SPRED1: variants seen among roughly 807,000 people sequenced by gnomAD.
SPRED1 encodes the protein sprouty related EVH1 domain containing 1, also known as sprouty-related, EVH1 domain-containing protein 1.
A neutral mutation model predicts 52.3 loss-of-function variants in SPRED1; 18 were observed. The observed-to-expected ratio is 0.34, with a 90% confidence interval of 0.24 to 0.51. The LOEUF (loss-of-function observed/expected upper bound fraction) is 0.51, where lower values mean the gene tolerates loss of function less well. SPRED1 is among the 20% of genes least tolerant of loss of function. SPRED1 has a pLI of 0.97. For synonymous variants in SPRED1, 155 were observed against 179.7 expected, an observed-to-expected ratio of 0.86 and a Z score of 1.10; for missense variants, 485 against 551.0, an observed-to-expected ratio of 0.88 and a Z score of 1.20.
In SPRED1 at chr15:38,339,808, T is replaced by G. The variant is rs748550020; in HGVS notation, c.495T>G (p.Ser165Arg). ...HLFQQETVVTSEPYRSSNIRP... is the reference protein window; with the variant it reads ...HLFQQETVVTREPYRSSNIRP... ...TTCAGCAAGAGACAGTTGTTACCAG[T>G]GAGCCTTATAGAAGCTCAAATATAA... The change falls in exon 5 of 7, where the codon AGT (serine) becomes AGG (arginine). Residue 165 changes from serine to arginine, a missense_variant. Transcript: ENST00000299084. 3 of 1,613,988 alleles carry G rather than the reference T, an allele frequency of 1.9e-6. No individual in the cohort carries two copies. Among genetic ancestry groups the G allele is most frequent in the Non-Finnish European group, 1.7e-6 (2 of 1,179,938 alleles).
rs1188939464 is a variant in SPRED1 at position 38,352,787 on chromosome 15, A to G, written c.*1123A>G. 6.6e-6 allele frequency: 1 copy of G among 152,154 alleles called. No individual in the cohort carries two copies. The highest frequency in any genetic ancestry group is 1.5e-5 in the Non-Finnish European group (1 of 67,962). 9.4% of individuals were successfully genotyped at this position (152,154 alleles called of 1,614,324 possible). ...CTCAGTGCTTATTATTTACATAACA[A>G]TAACTTTTTATCAGTTACATTTTAT... On this transcript the variant is annotated 3_prime_UTR_variant, in exon 7 of 7. Transcript: ENST00000299084.
At chr15:38,301,285 T>C (rs1217238491) in intron 2 of SPRED1, among the ~76,000 whole-genome samples, 2 of 152,154 alleles carry the variant, frequency 1.3e-5, no homozygotes, top group Non-Finnish European at 2.9e-5. Context: ...ACAGAAACTT[T>C]TATTCCCTAT....
chr15:38,316,257 G>A (rs1895477994), intron 2 of SPRED1, among the ~76,000 whole-genome samples: 1 of 151,988 alleles, frequency 6.6e-6, no homozygotes, highest in East Asian at 1.9e-4. Context: ...TATGTCAACA[G>A]TATTTTCAGT....
chr15:38,338,541 G>T (rs1895968511), intron 4 of SPRED1, among the ~76,000 whole-genome samples: 1 of 151,996 alleles, frequency 6.6e-6, no homozygotes, highest in South Asian at 2.1e-4. Flanking sequence ...TGAAAATTGG[G>T]TAAAAATAGC....
intron 1 of SPRED1, among the ~76,000 whole-genome samples, chr15:38,288,996 A>G (rs1422355644): frequency 6.6e-6 from 1 of 152,174 alleles, no homozygotes; most frequent in East Asian, 1.9e-4. Context: ...ACAACATCAT[A>G]ACTTCCTTCG....
At chr15:38,332,106 A>G (rs540069310) in intron 4 of SPRED1, among the ~76,000 whole-genome samples, 172 of 152,314 alleles carry the variant, frequency 1.1e-3, no homozygotes, top group African/African-American at 4.1e-3. Context: ...CACTGTGTGG[A>G]TAGACTGCAA....
At chr15:38,282,301 C>A (rs987836121) in intron 1 of SPRED1, among the ~76,000 whole-genome samples, 5 of 145,040 alleles carry the variant, frequency 3.4e-5, no homozygotes, top group Non-Finnish European at 7.5e-5. Context: ...ATCCTGAAAC[C>A]CCATCTCTAC....
chr15:38,334,201 G>A (rs908080294), intron 4 of SPRED1, among the ~76,000 whole-genome samples: 6 of 151,968 alleles, frequency 3.9e-5, no homozygotes, highest in Non-Finnish European at 7.4e-5. Context: ...CAGTTCAAAA[G>A]CATCTATAAC....
intron 2 of SPRED1, 46 bp downstream of exon 2, chr15:38,299,593 T>C: frequency 3.2e-6 from 5 of 1,565,440 alleles, no homozygotes; most frequent in African/African-American, 1.4e-5. Context: ...TAATGAATTA[T>C]CTGTTTAAAG....
In SPRED1 at chr15:38,357,000, A is replaced by G. The variant is rs1030031173; in HGVS notation, c.*5336A>G. On this transcript the variant is annotated 3_prime_UTR_variant, in exon 7 of 7. Coordinates refer to ENST00000299084, the MANE Select transcript of SPRED1 (RefSeq NM_152594.3). ...TTTCAGAATTTGCTTTACATTCTTC[A>G]CATCAAGTTAATACCCACAAGTAAG... 10 of 152,188 alleles carry G rather than the reference A, an allele frequency of 6.6e-5. No homozygotes were observed. The highest frequency in any genetic ancestry group is 2.4e-4 in the African/African-American group (10 of 41,476). The allele number at this position is 152,188 out of a possible 1,614,324, so 9.4% of individuals were successfully genotyped here.
At position 38,355,160 on chromosome 15, in the gene SPRED1, T is replaced by TAA. The variant is rs1888588117; in HGVS notation, c.*3496_*3497insAA. 6.6e-6 allele frequency: 1 copy of TAA among 152,274 alleles called. No homozygotes were observed. The highest frequency in any genetic ancestry group is 6.5e-5 in the Admixed American group (1 of 15,286). The allele number at this position is 152,274 out of a possible 1,614,324, so 9.4% of individuals were successfully genotyped here. A position where few individuals can be genotyped will look rare whatever the true frequency, so the allele number is the denominator to read the frequency against. ...TAGTAGAGATGGGGTTTCACCATGT[T>TAA]GGCCAGGCTGGTCTTGAACTCCTGA... On this transcript the variant is annotated 3_prime_UTR_variant, in exon 7 of 7. Coordinates refer to ENST00000299084, the MANE Select transcript of SPRED1 (RefSeq NM_152594.3).
chr15:38,298,430 A>T (rs1035074288), intron 1 of SPRED1: 2 of 265,250 alleles, frequency 7.5e-6, no homozygotes, highest in Non-Finnish European at 1.5e-5. Flanking sequence ...ATAATTGCCA[A>T]CAACTAGAAA....
chr15:38,278,432 A>G (rs539693181), intron 1 of SPRED1, among the ~76,000 whole-genome samples: 1 of 152,296 alleles, frequency 6.6e-6, no homozygotes, highest in African/African-American at 2.4e-5. Flanking sequence ...GCAGTGAGCC[A>G]TGGTTGTGCC....
intron 1 of SPRED1, 85 bp downstream of exon 1, chr15:38,253,302 G>A: frequency 7.3e-7 from 1 of 1,374,742 alleles, no homozygotes; most frequent in Non-Finnish European, 1.0e-6. Context: ...AAACTTGGGT[G>A]CCGGAAAGCT....
intron 4 of SPRED1, among the ~76,000 whole-genome samples, chr15:38,329,389 G>C (rs552667946): frequency 6.6e-6 from 1 of 152,224 alleles, no homozygotes; most frequent in South Asian, 2.1e-4. Context: ...TTTAGGCAAG[G>C]GATATGAATT....
chr15:38,259,157 T>C (rs1328547241), intron 1 of SPRED1, among the ~76,000 whole-genome samples: 2 of 152,168 alleles, frequency 1.3e-5, no homozygotes, highest in African/African-American at 4.8e-5. Context: ...TGGAAACAAT[T>C]GGTATATTAA....
chr15:38,307,714 T>C (rs1185386924), intron 2 of SPRED1, among the ~76,000 whole-genome samples: 1 of 152,204 alleles, frequency 6.6e-6, no homozygotes, highest in Non-Finnish European at 1.5e-5. Flanking sequence ...ATGTACACTC[T>C]CTAAATTATG....
chr15:38,261,686 A>C (rs1196701198), intron 1 of SPRED1, among the ~76,000 whole-genome samples: 2 of 152,130 alleles, frequency 1.3e-5, no homozygotes, highest in African/African-American at 4.8e-5. Context: ...CCTTTCTAAC[A>C]GGAGTTATAA....
At chr15:38,324,349 C>T (rs1165107114) in intron 3 of SPRED1, among the ~76,000 whole-genome samples, 1 of 152,162 alleles carries the variant, frequency 6.6e-6, no homozygotes, top group Non-Finnish European at 1.5e-5. Context: ...TTAGCTAAAG[C>T]AACTAAAATC....
Sources: allele counts gnomAD v4.1 joint callset (sites outside exome capture counted in the v4.1 genomes callset), GRCh38; gene constraint gnomAD v4.1.1; transcripts MANE v1.5; gene names NCBI Gene and HGNC (gene_info 2026-07-23, HGNC 2026-07-21).